DCAF6: variants seen among roughly 807,000 people sequenced by gnomAD.
DCAF6 encodes DDB1 and CUL4 associated factor 6.
In DCAF6, 54 loss-of-function variants were observed where a neutral mutation model predicts 125.1. The observed-to-expected ratio is 0.43, with a 90% CI of 0.35 to 0.54. The LOEUF (loss-of-function observed/expected upper bound fraction) is 0.54, where lower values mean the gene tolerates loss of function less well. Among genes scored for constraint, DCAF6 ranks in the 20% least tolerant of loss-of-function variants. DCAF6 has a pLI of 0.01. For missense variants in DCAF6, 934 were observed against 1,161.7 expected, an observed-to-expected ratio of 0.80 and a Z score of 2.85; for synonymous variants, 371 against 390.4, an observed-to-expected ratio of 0.95 and a Z score of 0.58.
At chr1:167,964,801 T>C (rs575692743) in intron 2 of DCAF6, among the ~76,000 whole-genome samples, 19 of 151,166 alleles carry the variant, frequency 1.3e-4, no homozygotes, top group African/African-American at 4.6e-4. Context: ...GGTCAGAGAT[T>C]GTTTCCTCAA....
chr1:167,867,592 A>AT, the DCAF6 span, among the ~76,000 whole-genome samples: 1 of 152,196 alleles, frequency 6.6e-6, no homozygotes, highest in Admixed American at 6.5e-5. Flanking sequence ...GTTATGACCC[A>AT]TTTTAAGCCT....
intron 16 of DCAF6, among the ~76,000 whole-genome samples, chr1:168,048,020 T>G (rs190521179): frequency 6.6e-6 from 1 of 152,180 alleles, no homozygotes; most frequent in Non-Finnish European, 1.5e-5. Context: ...TAGCTGACTT[T>G]TATTCTAAAG....
upstream of DCAF6, chr1:167,936,237 CCTT>C (rs1474697339): frequency 4.2e-6 from 1 of 239,154 alleles, no homozygotes; most frequent in Non-Finnish European, 8.3e-6. Flanking sequence ...GAAACCTCCT[CCTT>C]CTCCCCATGC....
intron 1 of DCAF6, among the ~76,000 whole-genome samples, chr1:167,949,653 G>T (rs1300376577): frequency 6.6e-6 from 1 of 152,188 alleles, no homozygotes; most frequent in Non-Finnish European, 1.5e-5. Flanking sequence ...TACATGAGTA[G>T]TAAATTTTTT....
chr1:167,887,675 C>G, the DCAF6 span, among the ~76,000 whole-genome samples: 6 of 151,370 alleles, frequency 4.0e-5, no homozygotes, highest in Non-Finnish European at 7.4e-5. Flanking sequence ...TGCACATGTA[C>G]CCTAGAACTT....
chr1:167,991,392 C>G, intron 6 of DCAF6, 53 bp downstream of exon 6: 1 of 1,481,800 alleles, frequency 6.7e-7, no homozygotes, highest in Non-Finnish European at 9.0e-7. Flanking sequence ...AAGAGTAAAT[C>G]TCTATGACAT....
chr1:168,006,912 A>T (rs1048532520), intron 10 of DCAF6, among the ~76,000 whole-genome samples: 2 of 152,184 alleles, frequency 1.3e-5, no homozygotes, highest in African/African-American at 4.8e-5. Flanking sequence ...GCCTTCTCTT[A>T]GTCTACAGTG....
At chr1:168,044,234 A>T (rs1235890049) in intron 14 of DCAF6, among the ~76,000 whole-genome samples, 1 of 152,096 alleles carries the variant, frequency 6.6e-6, no homozygotes, top group Non-Finnish European at 1.5e-5. Context: ...TATTAAGTTG[A>T]TGTTTACTTT....
chr1:167,986,505 T>C (rs1201113084), intron 4 of DCAF6, among the ~76,000 whole-genome samples: 1 of 152,200 alleles, frequency 6.6e-6, no homozygotes, highest in African/African-American at 2.4e-5. Flanking sequence ...CAGAAAACCA[T>C]GTATAGCAGA....
intron 10 of DCAF6, among the ~76,000 whole-genome samples, chr1:168,009,655 A>G (rs757214015): frequency 2.1e-4 from 32 of 150,348 alleles, no homozygotes; most frequent in Non-Finnish European, 3.8e-4. Flanking sequence ...TATGCTTGGG[A>G]AGCCCTTGTC....
At chr1:167,864,015 C>T in the DCAF6 span, among the ~76,000 whole-genome samples, 1 of 152,126 alleles carries the variant, frequency 6.6e-6, no homozygotes, top group South Asian at 2.1e-4. Context: ...GAAGCATGGC[C>T]TGATCTGATC....
intron 4 of DCAF6, among the ~76,000 whole-genome samples, chr1:167,978,831 A>G (rs200095163): frequency 6.6e-6 from 1 of 151,718 alleles, no homozygotes; most frequent in Non-Finnish European, 1.5e-5. Context: ...AATTTTTTTT[A>G]TTTTTTGTAG....
Position 168,019,142 on chromosome 1 carries a change from G to C in DCAF6, c.1549+3191G>C, listed in dbSNP as rs145213378. 8.4e-4 allele frequency among the ~76,000 whole-genome samples: 128 copies of C among 151,550 alleles called. No homozygotes were observed. In the East Asian group the frequency reaches 0.019, roughly 22 times the overall value. On this transcript the variant is annotated intron_variant, in intron 11 of 21. Coordinates refer to ENST00000367840, the MANE Select transcript of DCAF6 (RefSeq NM_001198956.2). Reference sequence around the variant, plus strand: ...TGGCTCACTGCAACCTCCACCTCCCGGGTTCAAGTGATTCTCTTGCCTCAG... The same window carrying C: ...TGGCTCACTGCAACCTCCACCTCCCCGGTTCAAGTGATTCTCTTGCCTCAG...
chr1:168,011,058 T>A (rs1298536983), intron 10 of DCAF6, among the ~76,000 whole-genome samples: 1 of 151,826 alleles, frequency 6.6e-6, no homozygotes, highest in Admixed American at 6.6e-5. Context: ...GTGAATCACT[T>A]AAAGCTTCCC....
intron 1 of DCAF6, among the ~76,000 whole-genome samples, chr1:167,942,121 A>G (rs905101946): frequency 1.3e-5 from 2 of 152,150 alleles, no homozygotes; most frequent in Non-Finnish European, 2.9e-5. Flanking sequence ...GCTGGAGTGC[A>G]ATGGCATGAT....
At chr1:168,049,431 G>GTTTTTTTTTTTTTTTTTTTTTTT (rs11369573) in intron 16 of DCAF6, among the ~76,000 whole-genome samples, 1 of 101,232 alleles carries the variant, frequency 9.9e-6, no homozygotes, top group African/African-American at 4.1e-5. Flanking sequence ...TGTTGTTGTT[G>GTTTTTTTTTTTTTTTTTTTTTTT]TTTTTTTTTT....
intron 1 of DCAF6, 178 bp downstream of exon 1, chr1:167,937,186 C>G: frequency 1.6e-6 from 1 of 616,840 alleles, no homozygotes; most frequent in Non-Finnish European, 2.9e-6. Flanking sequence ...CAGTCAAGCC[C>G]CCTGTGCATG....
At chr1:167,971,605 A>G (rs551157749) in intron 3 of DCAF6, among the ~76,000 whole-genome samples, 43 of 152,340 alleles carry the variant, frequency 2.8e-4, no homozygotes, top group African/African-American at 9.9e-4. Flanking sequence ...AGAGATGCCA[A>G]CTTTGGCCAG....
intron 2 of DCAF6, among the ~76,000 whole-genome samples, chr1:167,954,909 C>T (rs1180067329): frequency 1.3e-5 from 2 of 152,154 alleles, no homozygotes; most frequent in South Asian, 4.2e-4. Context: ...GCCCATGTGC[C>T]CTCTCATTCC....
Sources: gnomAD v4.1 joint callset for allele counts (sites outside exome capture counted in the v4.1 genomes callset) on GRCh38, gnomAD v4.1.1 for gene constraint, MANE v1.5 for transcripts, NCBI Gene and HGNC (gene_info 2026-07-23, HGNC 2026-07-21) for gene names.